FAM53B: variants seen among roughly 807,000 people sequenced by gnomAD.
The protein encoded by FAM53B is protein FAM53B.
In FAM53B, 12 loss-of-function variants were observed where a neutral mutation model predicts 32.7. The observed-to-expected ratio is 0.37, with a 90% CI of 0.24 to 0.59. FAM53B has a LOEUF of 0.59. Ranked by LOEUF, FAM53B falls within the 20% of genes least tolerant of loss-of-function variation. The pLI is 0.72. For missense variants in FAM53B, 477 were observed against 577.7 expected, an observed-to-expected ratio of 0.83 and a Z score of 1.79; for synonymous variants, 234 against 228.7, an observed-to-expected ratio of 1.02 and a Z score of -0.21.
intron 1 of FAM53B, among the ~76,000 whole-genome samples, chr10:124,740,759 T>C (rs1406980526): frequency 2.0e-5 from 3 of 151,846 alleles, no homozygotes; most frequent in South Asian, 2.1e-4. Flanking sequence ...CAGAAAGGAG[T>C]TGAGGGAGAA....
Position 124,733,024 on chromosome 10 carries a change from T to C in FAM53B, c.-175+10989A>G, listed in dbSNP as rs1397345836. Among the ~76,000 whole-genome samples the C allele has an allele frequency of 6.6e-6, 1 of 152,164 alleles. No individual in the cohort carries two copies. Among genetic ancestry groups the C allele is most frequent in the East Asian group, 1.9e-4 (1 of 5,192 alleles). On this transcript the variant is annotated intron_variant, in intron 1 of 4. Coordinates refer to ENST00000337318, the MANE Select transcript of FAM53B (RefSeq NM_014661.4). The surrounding 1 kb of genome is among the most constrained non-coding windows in gnomAD (Gnocchi z 4.3). Reference sequence around the variant, plus strand: ...CAGCCAGGCCAGATCCTCTTTTACTTTCTTTTCTAACAGGTGAAGGCATGT... The same window carrying C: ...CAGCCAGGCCAGATCCTCTTTTACTCTCTTTTCTAACAGGTGAAGGCATGT...
chr10:124,646,406 A>T (rs1217881397), intron 4 of FAM53B, among the ~76,000 whole-genome samples: 1 of 152,198 alleles, frequency 6.6e-6, no homozygotes, highest in Non-Finnish European at 1.5e-5. Context: ...AGAGGAGGAG[A>T]AACGTGCCAT....
chr10:124,642,820 C>T (rs542244193), intron 4 of FAM53B, among the ~76,000 whole-genome samples: 2 of 152,204 alleles, frequency 1.3e-5, no homozygotes, highest in Admixed American at 6.5e-5. Context: ...CTAGGAGAAA[C>T]CTCTTGAAGC....
chr10:124,626,390 C>CT (rs1445155487), intron 4 of FAM53B, among the ~76,000 whole-genome samples: 1 of 89,494 alleles, frequency 1.1e-5, no homozygotes, highest in Non-Finnish European at 2.0e-5. Context: ...AAATTTGTGC[C>CT]CCCCCCCCCC....
Position 124,654,246 on chromosome 10 carries a change from A to C in FAM53B, c.906+27361T>G, listed in dbSNP as rs566296777. Among the ~76,000 whole-genome samples, 13 of 152,384 alleles carry C rather than the reference A, an allele frequency of 8.5e-5. No homozygotes were observed. In the Middle Eastern group the frequency reaches 0.01, roughly 120 times the overall value. ...CGAAGTGCGATTGTCATCGTCATGC[A>C]ACGCTATGGTGCTCAGAAAAAAATC... is the stretch of plus-strand genomic sequence containing the variant. On this transcript the variant is annotated intron_variant, in intron 4 of 4. Coordinates refer to ENST00000337318, the MANE Select transcript of FAM53B (RefSeq NM_014661.4).
intron 4 of FAM53B, among the ~76,000 whole-genome samples, chr10:124,631,398 G>A (rs1949390292): frequency 6.6e-6 from 1 of 152,180 alleles, no homozygotes; most frequent in African/African-American, 2.4e-5. Flanking sequence ...ACGGACCTAG[G>A]GCCAGCAGGC....
intron 4 of FAM53B, among the ~76,000 whole-genome samples, chr10:124,633,015 GATAA>G (rs1332007981): frequency 1.3e-5 from 2 of 152,064 alleles, no homozygotes; most frequent in Admixed American, 6.6e-5. Flanking sequence ...TGTTTGGAGG[GATAA>G]ATAGAGACCA....
chr10:124,692,047 A>G (rs1949835998), intron 3 of FAM53B, among the ~76,000 whole-genome samples: 1 of 152,208 alleles, frequency 6.6e-6, no homozygotes, highest in African/African-American at 2.4e-5. Flanking sequence ...TTTCCCAGAG[A>G]AGCTTTGTAG....
At chr10:124,735,634 C>A (rs1950168944) in intron 1 of FAM53B, among the ~76,000 whole-genome samples, 1 of 152,244 alleles carries the variant, frequency 6.6e-6, no homozygotes, top group South Asian at 2.1e-4. Flanking sequence ...CTCAGGGCAA[C>A]CTGCCTGACT....
At chr10:124,639,255 G>A (rs573803971) in intron 4 of FAM53B, among the ~76,000 whole-genome samples, 1 of 152,302 alleles carries the variant, frequency 6.6e-6, no homozygotes, top group African/African-American at 2.4e-5. Context: ...CCCAGCAGGA[G>A]GTCAGGATTC....
intron 4 of FAM53B, among the ~76,000 whole-genome samples, chr10:124,639,703 GT>G (rs1367457014): frequency 2.0e-5 from 3 of 151,800 alleles, no homozygotes; most frequent in Non-Finnish European, 4.4e-5. Flanking sequence ...TTCCCCTTTT[GT>G]TCATTACTGT....
At chr10:124,734,369 C>A (rs1950162412) in intron 1 of FAM53B, among the ~76,000 whole-genome samples, 1 of 152,208 alleles carries the variant, frequency 6.6e-6, no homozygotes, top group African/African-American at 2.4e-5. Flanking sequence ...GGGCCACCAC[C>A]ATGGCAGGTA....
At chr10:124,633,838 G>A (rs1000776230) in intron 4 of FAM53B, among the ~76,000 whole-genome samples, 4 of 151,830 alleles carry the variant, frequency 2.6e-5, no homozygotes, top group Admixed American at 6.6e-5. Flanking sequence ...GAAGAAAACA[G>A]GAGACTTCCT....
intron 2 of FAM53B, among the ~76,000 whole-genome samples, chr10:124,704,896 G>C (rs1221087785): frequency 6.6e-6 from 1 of 152,196 alleles, no homozygotes; most frequent in African/African-American, 2.4e-5. Context: ...GTGGAACCAG[G>C]GTGGTGGCAG....
At chr10:124,633,953 C>CA (rs1949409471) in intron 4 of FAM53B, among the ~76,000 whole-genome samples, 1 of 152,122 alleles carries the variant, frequency 6.6e-6, no homozygotes, top group African/African-American at 2.4e-5. Context: ...CAAAAAATGC[C>CA]AAAAGCACTG....
rs967773493 is a variant in FAM53B, at chr10:124,739,285, C to T, written c.-175+4728G>A. On this transcript the variant is annotated intron_variant, in intron 1 of 4. Coordinates refer to ENST00000337318, the MANE Select transcript of FAM53B (RefSeq NM_014661.4). ...GGCTTTCTGCCTTCCGGCTATGTGGCCTTGGGCCAGTTACTTGGCCTCTCT... is the reference window on the plus strand; with the variant it reads ...GGCTTTCTGCCTTCCGGCTATGTGGTCTTGGGCCAGTTACTTGGCCTCTCT... Among the ~76,000 whole-genome samples, 4 of 152,246 alleles carry T rather than the reference C, an allele frequency of 2.6e-5. No homozygotes were observed. The South Asian group carries it at 8.3e-4, about 31-fold the overall frequency.
chr10:124,689,948 G>A (rs1949823594), intron 3 of FAM53B, among the ~76,000 whole-genome samples: 1 of 152,232 alleles, frequency 6.6e-6, no homozygotes, highest in Admixed American at 6.5e-5. Flanking sequence ...GTTCATAAAT[G>A]TACAGGGAAC....
intron 3 of FAM53B, among the ~76,000 whole-genome samples, chr10:124,694,650 G>T (rs2134076853): frequency 6.6e-6 from 1 of 152,350 alleles, no homozygotes; most frequent in African/African-American, 2.4e-5. Flanking sequence ...CAGGAAGGAA[G>T]CGCAAAGGTG....
chr10:124,713,785 A>G (rs886430538), intron 1 of FAM53B: 3 of 152,200 alleles, frequency 2.0e-5, no homozygotes, highest in East Asian at 3.9e-4. Flanking sequence ...TTACCGCCTT[A>G]AAAACAGGAC....
Sources: gnomAD v4.1 joint callset for allele counts (sites outside exome capture counted in the v4.1 genomes callset) on GRCh38, gnomAD v4.1.1 for gene constraint, Gnocchi (gnomAD v3.1) non-coding constraint, MANE v1.5 for transcripts, NCBI Gene and HGNC (gene_info 2026-07-23, HGNC 2026-07-21) for gene names.